The following NLGN1 variants were observed in gnomAD, a reference collection of about 807,000 sequenced individuals.
NLGN1 encodes the protein neuroligin 1, also known as neuroligin-1.
NLGN1 carries 12 observed loss-of-function variants against 65.5 expected under a neutral mutation model. The observed-to-expected ratio is 0.18, with a 90% CI of 0.12 to 0.30. The LOEUF is 0.30. NLGN1 is among the 10% of genes least tolerant of loss of function. The pLI, the probability that NLGN1 is intolerant of heterozygous loss-of-function variation, is 1.00. For missense variants in NLGN1, 750 were observed against 1,007.1 expected (o/e 0.74, Z 3.46); for synonymous variants, 350 against 359.5 (o/e 0.97, Z 0.30).
chr3:174,161,593 G>A (rs1270821242), intron 4 of NLGN1, among the ~76,000 whole-genome samples: 2 of 151,886 alleles, frequency 1.3e-5, no homozygotes, highest in East Asian at 3.9e-4. Context: ...CTAAAATTAG[G>A]GGTTTCTATA....
chr3:173,562,603 G>A (rs918978857), intron 2 of NLGN1, among the ~76,000 whole-genome samples: 3 of 151,668 alleles, frequency 2.0e-5, no homozygotes, highest in Non-Finnish European at 4.4e-5. Flanking sequence ...ATTTATGTAA[G>A]ACTTTGAAGT....
intron 4 of NLGN1, among the ~76,000 whole-genome samples, chr3:174,096,268 G>T (rs752263625): frequency 6.7e-6 from 1 of 150,372 alleles, no homozygotes; most frequent in Non-Finnish European, 1.5e-5. Flanking sequence ...ATATATAAAC[G>T]TACTGTTATT....
intron 4 of NLGN1, among the ~76,000 whole-genome samples, chr3:174,009,621 C>T (rs1378719922): frequency 6.6e-6 from 1 of 152,154 alleles, no homozygotes; most frequent in Non-Finnish European, 1.5e-5. Flanking sequence ...ACACAGTAAA[C>T]ATAGTGATAT....
intron 3 of NLGN1, among the ~76,000 whole-genome samples, chr3:173,784,787 C>G (rs992145686): frequency 2.0e-5 from 3 of 152,080 alleles, no homozygotes; most frequent in African/African-American, 4.8e-5. Flanking sequence ...TAAATATATA[C>G]AACAGATAGA....
At chr3:173,661,908 A>C (rs1236124185) in intron 3 of NLGN1, among the ~76,000 whole-genome samples, 1 of 152,040 alleles carries the variant, frequency 6.6e-6, no homozygotes, top group Non-Finnish European at 1.5e-5. Flanking sequence ...TGCATGCAAT[A>C]GCATTTGGAA....
intron 2 of NLGN1, among the ~76,000 whole-genome samples, chr3:173,518,378 A>G (rs1440145851): frequency 6.6e-6 from 1 of 151,436 alleles, no homozygotes; most frequent in African/African-American, 2.4e-5. Flanking sequence ...CAAATTATAC[A>G]GAGTTATAGA....
At chr3:173,574,079 A>AG (rs1177714547) in intron 2 of NLGN1, among the ~76,000 whole-genome samples, 1 of 150,818 alleles carries the variant, frequency 6.6e-6, no homozygotes, top group East Asian at 1.9e-4. Flanking sequence ...AAAAAAAAAA[A>AG]AAAAGAAAAA....
chr3:173,475,703 A>T (rs908832190), intron 2 of NLGN1, among the ~76,000 whole-genome samples: 1 of 152,204 alleles, frequency 6.6e-6, no homozygotes, highest in Non-Finnish European at 1.5e-5. Flanking sequence ...CACTTATTGC[A>T]TAGCAATTAC....
intron 2 of NLGN1, among the ~76,000 whole-genome samples, chr3:173,506,497 A>G (rs1732057798): frequency 1.3e-5 from 2 of 152,092 alleles, no homozygotes; most frequent in Admixed American, 6.6e-5. Flanking sequence ...TGTGACTTCA[A>G]CAGTTACAGA....
intron 4 of NLGN1, among the ~76,000 whole-genome samples, chr3:174,241,326 T>C (rs899267928): frequency 6.6e-6 from 1 of 152,080 alleles, no homozygotes; most frequent in African/African-American, 2.4e-5. Flanking sequence ...AGGTTTTAAA[T>C]TTTATTGAGT....
At chr3:173,689,437 C>A (rs2149815995) in intron 3 of NLGN1, among the ~76,000 whole-genome samples, 1 of 152,218 alleles carries the variant, frequency 6.6e-6, no homozygotes, top group East Asian at 1.9e-4. Flanking sequence ...CTGGACAAAT[C>A]TGAACACACC....
At chr3:173,825,480 G>A (rs1267276554) in intron 4 of NLGN1, among the ~76,000 whole-genome samples, 1 of 151,946 alleles carries the variant, frequency 6.6e-6, no homozygotes, top group African/African-American at 2.4e-5. Context: ...ATATTAGTAA[G>A]ATGTATTCTG....
intron 4 of NLGN1, among the ~76,000 whole-genome samples, chr3:174,216,249 G>T (rs1737574678): frequency 6.6e-6 from 1 of 152,022 alleles, no homozygotes; most frequent in African/African-American, 2.4e-5. Context: ...CTCACAAATG[G>T]GTTTTCATTG....
intron 4 of NLGN1, among the ~76,000 whole-genome samples, chr3:174,189,498 C>T (rs1034881738): frequency 2.0e-5 from 3 of 151,870 alleles, no homozygotes; most frequent in Non-Finnish European, 4.4e-5. Context: ...ATTTCCCTAG[C>T]GCCATAACAG....
intron 4 of NLGN1, among the ~76,000 whole-genome samples, chr3:174,259,277 C>A (rs959015999): frequency 1.3e-5 from 2 of 152,022 alleles, no homozygotes; most frequent in Middle Eastern, 3.2e-3. Flanking sequence ...GAATTAAAGA[C>A]CATAGCATCC....
At chr3:173,520,164 A>G (rs9864103) in intron 2 of NLGN1, among the ~76,000 whole-genome samples, 15,724 of 152,196 alleles carry the variant, frequency 0.1, 1,436 homozygotes, top group African/African-American at 0.25. Flanking sequence ...AAGCCTCCAC[A>G]GAAGCAGGAG....
intron 4 of NLGN1, among the ~76,000 whole-genome samples, chr3:174,090,828 C>G (rs528186779): frequency 6.6e-6 from 1 of 151,866 alleles, no homozygotes; most frequent in Non-Finnish European, 1.5e-5. Flanking sequence ...CTCAGACCAG[C>G]AGTATAAACA....
At chr3:173,521,544 T>G (rs1475133748) in intron 2 of NLGN1, among the ~76,000 whole-genome samples, 1 of 152,220 alleles carries the variant, frequency 6.6e-6, no homozygotes, top group East Asian at 1.9e-4. Flanking sequence ...GCCTTGTTTT[T>G]CACTAATTTT....
chr3:173,609,389 A>G (rs1026717592), intron 3 of NLGN1, among the ~76,000 whole-genome samples: 1 of 151,954 alleles, frequency 6.6e-6, no homozygotes, highest in Non-Finnish European at 1.5e-5. Flanking sequence ...GTGATTTTCA[A>G]AAGTGTTTTA....
Sources: allele counts gnomAD v4.1 joint callset (sites outside exome capture counted in the v4.1 genomes callset), GRCh38; gene constraint gnomAD v4.1.1; transcripts MANE v1.5; gene names NCBI Gene and HGNC (gene_info 2026-07-23, HGNC 2026-07-21).